RBFOX1: variants seen among roughly 807,000 people sequenced by gnomAD.
RBFOX1 encodes the protein RNA binding protein fox-1 homolog 1.
In RBFOX1, 8 loss-of-function variants were observed where a neutral mutation model predicts 57.7. The observed-to-expected ratio is 0.14, with a 90% CI of 0.08 to 0.25. The LOEUF (loss-of-function observed/expected upper bound fraction) is 0.25, where lower values mean the gene tolerates loss of function less well. Among genes scored for constraint, RBFOX1 ranks in the 10% least tolerant of loss-of-function variants. RBFOX1 has a pLI of 1.00. For synonymous variants in RBFOX1, 326 were observed against 222.4 expected (o/e 1.47, Z -4.15); for missense variants, 611 against 548.5 (o/e 1.11, Z -1.14).
intron 1 of RBFOX1, among the ~76,000 whole-genome samples, chr16:5,357,178 C>G (rs2065414116): frequency 6.6e-6 from 1 of 152,276 alleles, no homozygotes. Flanking sequence ...GGAACTGTAC[C>G]TCTCACCCAT....
chr16:6,217,922 A>G (rs1391941458), intron 1 of RBFOX1, among the ~76,000 whole-genome samples: 1 of 152,214 alleles, frequency 6.6e-6, no homozygotes, highest in African/African-American at 2.4e-5. Flanking sequence ...AAGCTGAGGC[A>G]TGAGAATCAC....
At chr16:7,509,390 CTGTGTG>C (rs34760329) in intron 4 of RBFOX1, among the ~76,000 whole-genome samples, 37,763 of 145,034 alleles carry the variant, frequency 0.26, 5,254 homozygotes, top group Non-Finnish European at 0.32. Flanking sequence ...GAGCCAAGCC[CTGTGTG>C]TGTGTGTGTG....
intron 2 of RBFOX1, among the ~76,000 whole-genome samples, chr16:6,431,539 C>A (rs944781318): frequency 6.6e-6 from 1 of 151,914 alleles, no homozygotes; most frequent in African/African-American, 2.4e-5. Flanking sequence ...AATCTACAAG[C>A]AGATAAAACA....
intron 3 of RBFOX1, among the ~76,000 whole-genome samples, chr16:7,025,424 C>G (rs553354198): frequency 5.3e-5 from 8 of 152,230 alleles, no homozygotes; most frequent in African/African-American, 1.4e-4. Flanking sequence ...TGCTGACCTC[C>G]TATTTTATCG....
At chr16:5,397,540 G>C (rs2066595244) in intron 1 of RBFOX1, among the ~76,000 whole-genome samples, 1 of 152,142 alleles carries the variant, frequency 6.6e-6, no homozygotes, top group African/African-American at 2.4e-5. Flanking sequence ...ACAGGGCCCT[G>C]CTAAAGACAC....
intron 3 of RBFOX1, among the ~76,000 whole-genome samples, chr16:5,732,785 A>G (rs924714839): frequency 5.3e-5 from 8 of 152,176 alleles, no homozygotes. Flanking sequence ...AGTGGAGAAC[A>G]AAGCCGGGCT....
At chr16:6,071,349 C>T (rs760636593) in intron 1 of RBFOX1, among the ~76,000 whole-genome samples, 2 of 151,888 alleles carry the variant, frequency 1.3e-5, no homozygotes, top group African/African-American at 4.8e-5. Context: ...AACAAAGAAA[C>T]GGTAATGTAA....
intron 4 of RBFOX1, among the ~76,000 whole-genome samples, chr16:5,991,045 G>A (rs1596357383): frequency 6.6e-6 from 1 of 152,134 alleles, no homozygotes; most frequent in African/African-American, 2.4e-5. Context: ...ATGTTTTAAT[G>A]GAAAATTCTT....
chr16:6,546,922 C>G (rs1195441593), intron 2 of RBFOX1, among the ~76,000 whole-genome samples: 1 of 152,104 alleles, frequency 6.6e-6, no homozygotes, highest in Non-Finnish European at 1.5e-5. Flanking sequence ...GTTTTCAAAC[C>G]CTTAAATCAA....
intron 3 of RBFOX1, among the ~76,000 whole-genome samples, chr16:6,915,893 A>G (rs1293546325): frequency 6.6e-6 from 1 of 152,092 alleles, no homozygotes; most frequent in Non-Finnish European, 1.5e-5. Flanking sequence ...TGAAGTGGAC[A>G]TGTTCCGTGA....
intron 1 of RBFOX1, among the ~76,000 whole-genome samples, chr16:6,244,699 G>C (rs779473972): frequency 2.0e-5 from 3 of 152,056 alleles, no homozygotes; most frequent in Non-Finnish European, 4.4e-5. Flanking sequence ...TAGTAGAGAC[G>C]GGATTTCACC....
intron 3 of RBFOX1, among the ~76,000 whole-genome samples, chr16:7,006,728 A>T (rs1156372890): frequency 6.6e-6 from 1 of 152,194 alleles, no homozygotes; most frequent in African/African-American, 2.4e-5. Context: ...GATTACGGAC[A>T]TGAGCCACCA....
intron 4 of RBFOX1, among the ~76,000 whole-genome samples, chr16:7,282,233 C>T (rs2095559422): frequency 1.3e-5 from 2 of 152,098 alleles, no homozygotes; most frequent in Non-Finnish European, 2.9e-5. Flanking sequence ...TTCTTTGCAG[C>T]GTTTGCTCAG....
chr16:5,891,274 G>C (rs1209629926), intron 4 of RBFOX1, among the ~76,000 whole-genome samples: 1 of 152,194 alleles, frequency 6.6e-6, no homozygotes, highest in Admixed American at 6.5e-5. Context: ...CACGGGAGGA[G>C]CTGTCGGATG....
chr16:6,807,504 T>C (rs1380392737), intron 3 of RBFOX1, among the ~76,000 whole-genome samples: 2 of 152,026 alleles, frequency 1.3e-5, no homozygotes, highest in Non-Finnish European at 1.5e-5. Flanking sequence ...AATGGGACTT[T>C]GCTTGTCCTA....
intron 1 of RBFOX1, among the ~76,000 whole-genome samples, chr16:6,076,034 C>G (rs1458778664): frequency 2.6e-5 from 4 of 152,160 alleles, no homozygotes; most frequent in Admixed American, 6.5e-5. Flanking sequence ...CGTGGTGGCT[C>G]ACGCCTGTAA....
intron 2 of RBFOX1, among the ~76,000 whole-genome samples, chr16:6,478,217 G>A (rs972643190): frequency 1.4e-5 from 2 of 144,900 alleles, no homozygotes; most frequent in Non-Finnish European, 3.0e-5. Context: ...CTTTTAGCCT[G>A]TCCCAGCTTT....
intron 4 of RBFOX1, among the ~76,000 whole-genome samples, chr16:5,964,986 C>T (rs2059816296): frequency 6.6e-6 from 1 of 152,014 alleles, no homozygotes; most frequent in Non-Finnish European, 1.5e-5. Flanking sequence ...TTTGTGACAA[C>T]ATGGATGATT....
intron 1 of RBFOX1, among the ~76,000 whole-genome samples, chr16:5,272,955 G>A (rs2063051429): frequency 6.6e-6 from 1 of 152,212 alleles, no homozygotes; most frequent in Admixed American, 6.5e-5. Flanking sequence ...TTATGTGGAT[G>A]TTACTTTGTT....
Sources: allele counts gnomAD v4.1 joint callset (sites outside exome capture counted in the v4.1 genomes callset), GRCh38; gene constraint gnomAD v4.1.1; transcripts MANE v1.5; gene names NCBI Gene and HGNC (gene_info 2026-07-23, HGNC 2026-07-21).